The following SP100 variants were observed in gnomAD, a reference collection of about 807,000 sequenced individuals.
SP100 encodes the protein SP100 nuclear body protein.
A neutral mutation model predicts 130.0 loss-of-function variants in SP100; 84 were observed. The ratio of observed to expected loss-of-function variants is 0.65; its 90% confidence interval spans 0.54 to 0.77. The LOEUF (loss-of-function observed/expected upper bound fraction) is 0.77. Ranked by LOEUF, SP100 falls within the 30% of genes least tolerant of loss-of-function variation. The pLI is 0.00. For synonymous variants in SP100, 331 were observed against 351.7 expected (o/e 0.94, Z 0.66); for missense variants, 978 against 1,052.2 (o/e 0.93, Z 0.97).
intron 25 of SP100, 87 bp downstream of exon 25, chr2:230,539,469 G>T: frequency 1.2e-6 from 1 of 865,858 alleles, no homozygotes. Flanking sequence ...CAGAGTTTCT[G>T]TACCTGGTTA....
intron 2 of SP100, among the ~76,000 whole-genome samples, chr2:230,435,898 A>AC (rs1238102523): frequency 1.3e-5 from 2 of 152,234 alleles, no homozygotes; most frequent in African/African-American, 2.4e-5. Flanking sequence ...TGTGGTACAT[A>AC]TACACTATGA....
chr2:230,469,353 G>A (rs976383626), intron 14 of SP100: 3 of 517,168 alleles, frequency 5.8e-6, no homozygotes, highest in African/African-American at 3.8e-5. Context: ...TAGAGGGGGT[G>A]CCCACACAGT....
At chr2:230,468,903 T>A (rs981471967) in intron 13 of SP100, 140 bp from the exon 14 acceptor site, 24 of 474,222 alleles carry the variant, frequency 5.1e-5, no homozygotes, top group Non-Finnish European at 7.5e-6. Flanking sequence ...GATAGTAATC[T>A]CTTTCCCTTA....
intron 24 of SP100, chr2:230,515,986 G>GTT (rs890270462): frequency 1.0e-6 from 1 of 998,614 alleles, no homozygotes; most frequent in African/African-American, 1.8e-5. Context: ...CAAAACATTT[G>GTT]TTGTTCTGTT....
intron 28 of SP100, 129 bp downstream of exon 28, chr2:230,542,164 A>G (rs1692202766): frequency 1.0e-6 from 1 of 1,001,188 alleles, no homozygotes; most frequent in Admixed American, 2.4e-5. Flanking sequence ...TACAAGTACA[A>G]ATCCTGGAAG....
chr2:230,526,402 T>C (rs1462241451), intron 24 of SP100, among the ~76,000 whole-genome samples: 5 of 152,036 alleles, frequency 3.3e-5, no homozygotes, highest in Admixed American at 2.0e-4. Flanking sequence ...CAAAACCCCA[T>C]CTGTAGGTCA....
rs769530687 is a variant in SP100 at position 230,463,445 on chromosome 2, ATACAC to A, written c.1058-619_1058-615del. ...TTAGAAATATGCCACTTTAGGGAAAATACACTAGGGAAAGACCTAAGAGCAAAGAA... is the reference window on the plus strand; with the variant it reads ...TTAGAAATATGCCACTTTAGGGAAAATAGGGAAAGACCTAAGAGCAAAGAA... On this transcript the variant is annotated intron_variant, in intron 10 of 28. Transcript: ENST00000340126. 1.1e-4 allele frequency among the ~76,000 whole-genome samples: 16 copies of A among 152,170 alleles called. No homozygotes were observed. In the East Asian group the frequency reaches 1.2e-3, roughly 11 times the overall value.
intron 13 of SP100, 35 bp downstream of exon 13, chr2:230,467,250 T>G: frequency 5.6e-6 from 8 of 1,425,438 alleles, no homozygotes; most frequent in Non-Finnish European, 7.9e-6. Context: ...GGGCTCTGAC[T>G]TCAGAGCACC....
intron 2 of SP100, among the ~76,000 whole-genome samples, chr2:230,433,548 T>C (rs1396185636): frequency 1.3e-5 from 2 of 152,112 alleles, no homozygotes; most frequent in Non-Finnish European, 2.9e-5. Context: ...GAGATTTTGA[T>C]AGGAATCATA....
At chr2:230,535,004 G>A (rs1043595351) in intron 24 of SP100, among the ~76,000 whole-genome samples, 3 of 151,980 alleles carry the variant, frequency 2.0e-5, no homozygotes, top group African/African-American at 7.3e-5. Context: ...AGACCACCCT[G>A]GCCAAGATGG....
At chr2:230,466,454 C>T (rs2064964597) in intron 12 of SP100, 100 bp downstream of exon 12, 1 of 695,864 alleles carries the variant, frequency 1.4e-6, no homozygotes, top group South Asian at 1.7e-5. Flanking sequence ...TAATTCCTTG[C>T]TATATCCTTC....
chr2:230,532,319 T>A (rs1418709188), intron 24 of SP100, among the ~76,000 whole-genome samples: 3 of 152,190 alleles, frequency 2.0e-5, no homozygotes, highest in Non-Finnish European at 4.4e-5. Context: ...TAAATGATGT[T>A]TTTTTCCAAG....
intron 2 of SP100, among the ~76,000 whole-genome samples, chr2:230,420,046 A>G (rs2062724759): frequency 6.6e-6 from 1 of 152,204 alleles, no homozygotes; most frequent in African/African-American, 2.4e-5. Context: ...AAAATCCTGA[A>G]TGGCCCCAGT....
At chr2:230,417,007 C>G (rs1237582676) in intron 1 of SP100, 2 of 434,398 alleles carry the variant, frequency 4.6e-6, no homozygotes, top group Non-Finnish European at 6.1e-6. Context: ...AATAACATTA[C>G]TTAATCTTTT....
In SP100 at chr2:230,544,656, A is replaced by G. The variant is rs187953648; in HGVS notation, c.*1710A>G. ...GCATGCACCACCTGACTGATTTTGT[A>G]TTTTAGTAGAGACGGGGTTTCTCCA... On this transcript the variant is annotated 3_prime_UTR_variant, in exon 29 of 29. Transcript: ENST00000340126. Among the ~76,000 whole-genome samples the G allele has an allele frequency of 1.2e-3, 184 of 152,198 alleles. No individual in the cohort carries two copies. Among genetic ancestry groups the G allele is most frequent in the African/African-American group, 4.1e-3 (169 of 41,530 alleles).
chr2:230,427,697 C>A (rs1158398966), intron 2 of SP100, among the ~76,000 whole-genome samples: 1 of 151,742 alleles, frequency 6.6e-6, no homozygotes, highest in Admixed American at 6.6e-5. Context: ...ACTTTGATTC[C>A]TTTCTCTTAA....
chr2:230,468,434 G>A (rs1382247441), intron 13 of SP100, among the ~76,000 whole-genome samples: 2 of 151,990 alleles, frequency 1.3e-5, no homozygotes, highest in Admixed American at 6.6e-5. Context: ...GATTTTACAC[G>A]GACTCATGGC....
rs540835314 is a variant in SP100 at position 230,447,752 on chromosome 2, C to A, written c.523+850C>A. On this transcript the variant is annotated intron_variant, in intron 5 of 28. Coordinates refer to ENST00000340126, the MANE Select transcript of SP100 (RefSeq NM_001080391.2). The stretch of plus-strand genomic sequence containing the variant: ...TGCCAACCCAGAAGATTTCTGAACC[C>A]AGTCACTTAGGGTTCTTTATGGACA... Among the ~76,000 whole-genome samples the A allele has an allele frequency of 4.5e-4, 69 of 152,344 alleles. 1 individual carries two copies. The highest frequency in any genetic ancestry group is 1.4e-3 in the African/African-American group (60 of 41,586).
intron 8 of SP100, among the ~76,000 whole-genome samples, chr2:230,450,957 A>G (rs2063950725): frequency 6.6e-6 from 1 of 152,222 alleles, no homozygotes; most frequent in Admixed American, 6.5e-5. Context: ...GAGAGCAGAT[A>G]TCTCTTCCAT....
Sources: gnomAD v4.1 joint callset for allele counts (sites outside exome capture counted in the v4.1 genomes callset) on GRCh38, gnomAD v4.1.1 for gene constraint, MANE v1.5 for transcripts, NCBI Gene and HGNC (gene_info 2026-07-23, HGNC 2026-07-21) for gene names.